The following SLC6A5 variants were observed in gnomAD, a reference collection of about 807,000 sequenced individuals.
SLC6A5 encodes the protein solute carrier family 6 member 5.
A neutral mutation model predicts 90.5 loss-of-function variants in SLC6A5; 58 were observed. That is an observed-to-expected ratio of 0.64 (90% confidence interval 0.52 to 0.80). The LOEUF is 0.80. SLC6A5 is among the 30% of genes least tolerant of loss of function. The pLI is 0.00. For missense variants in SLC6A5, 1,015 were observed against 1,017.6 expected (o/e 1.00, Z 0.03); for synonymous variants, 427 against 401.4 (o/e 1.06, Z -0.76).
chr11:20,638,469 A>T lies in SLC6A5; in HGVS notation c.1880A>T (p.Tyr627Phe), dbSNP rs1329009953. 1.2e-6 allele frequency: 2 copies of T among 1,609,722 alleles called. No individual in the cohort carries two copies. The highest frequency in any genetic ancestry group is 1.7e-6 in the Non-Finnish European group (2 of 1,176,084). The change falls in exon 13 of 16, where the codon TAC (tyrosine) becomes TTC (phenylalanine). Residue 627 changes from tyrosine (Y) to phenylalanine (F), a missense_variant. Transcript: ENST00000525748. Reference sequence around the variant, plus strand: ...TCTCTCTCCTGTTAGGGTGGAATTTACATGTTTCAGCTTGTGGACACCTAT... The same window carrying T: ...TCTCTCTCCTGTTAGGGTGGAATTTTCATGTTTCAGCTTGTGGACACCTAT... ...GFPMITQGGI[Y>F]MFQLVDTYAA...
chr11:20,610,276 C>A (rs1051076402), intron 5 of SLC6A5, among the ~76,000 whole-genome samples: 8 of 151,666 alleles, frequency 5.3e-5, no homozygotes, highest in Non-Finnish European at 1.0e-4. Flanking sequence ...AGGCTCCGGG[C>A]GCTGGGAAGC....
rs1270999182 is a variant in SLC6A5, at chr11:20,604,417, C to A, written c.672C>A (p.Asn224Lys). The stretch of plus-strand genomic sequence containing the variant: ...GGTTTCCCTACCTGGCCTTCCAGAA[C>A]GGGGGAGGTATGGCTTTTCCGCTCT... ...VWRFPYLAFQ[N>K]GGGAFLIPYL... is the part of the protein sequence containing the mutation. Residue 224 changes from asparagine (N) to lysine (K), a missense_variant, in exon 3 of 16, where the codon AAC (asparagine) becomes AAA (lysine). This residue lies in a region of SLC6A5 where 567 missense variants were observed against 507.3 expected (regional missense o/e 1.12). Transcript: ENST00000525748. 1 of 1,601,364 alleles carries A rather than the reference C, an allele frequency of 6.2e-7. No individual in the cohort carries two copies. The highest frequency in any genetic ancestry group is 1.1e-5 in the South Asian group (1 of 90,928).
chr11:20,650,812 G>T (rs907535747), intron 14 of SLC6A5, among the ~76,000 whole-genome samples: 10 of 151,824 alleles, frequency 6.6e-5, no homozygotes, highest in Admixed American at 5.2e-4. Context: ...GACTACAGGC[G>T]CCCGCTACCA....
chr11:20,605,245 C>A (rs951837786), intron 3 of SLC6A5, among the ~76,000 whole-genome samples: 4 of 152,124 alleles, frequency 2.6e-5, no homozygotes, highest in Admixed American at 6.5e-5. Context: ...TCAACCGGAC[C>A]GAAGGGACAA....
intron 3 of SLC6A5, among the ~76,000 whole-genome samples, chr11:20,606,051 C>T (rs764046909): frequency 3.9e-5 from 6 of 152,244 alleles, no homozygotes; most frequent in Non-Finnish European, 7.3e-5. Context: ...GTTCTGCGCT[C>T]GCGCATCTCC....
intron 2 of SLC6A5, among the ~76,000 whole-genome samples, chr11:20,603,371 A>G (rs189686791): frequency 6.6e-6 from 1 of 152,310 alleles, no homozygotes; most frequent in East Asian, 1.9e-4. Context: ...CACTGCCCCA[A>G]GAAAGCATCT....
At chr11:20,631,692 G>A (rs1012644486) in intron 10 of SLC6A5, among the ~76,000 whole-genome samples, 1 of 152,198 alleles carries the variant, frequency 6.6e-6, no homozygotes, top group African/African-American at 2.4e-5. Flanking sequence ...GATGCGTAGT[G>A]TGTTGGTCAT....
At chr11:20,605,051 G>A (rs1312278369) in intron 3 of SLC6A5, among the ~76,000 whole-genome samples, 1 of 152,218 alleles carries the variant, frequency 6.6e-6, no homozygotes, top group East Asian at 1.9e-4. Context: ...CAGAGGTGGG[G>A]AGGACACTAG....
intron 7 of SLC6A5, among the ~76,000 whole-genome samples, chr11:20,623,363 G>T (rs1852929079): frequency 6.6e-6 from 1 of 152,124 alleles, no homozygotes; most frequent in Admixed American, 6.5e-5. Context: ...GAGTCACCTT[G>T]ACTCTTCTCT....
At chr11:20,643,226 TC>T (rs1291528811) in intron 13 of SLC6A5, among the ~76,000 whole-genome samples, 1 of 132,570 alleles carries the variant, frequency 7.5e-6, no homozygotes, top group Non-Finnish European at 1.7e-5. Context: ...AATCTCTCTC[TC>T]TTTTTTTTTT....
chr11:20,655,454 T>C lies in SLC6A5; in HGVS notation c.*586T>C, dbSNP rs549553507. Reference sequence around the variant, plus strand: ...CAGTCACCACTGGGGATCTGTTTCCTTCGTTTGGATCAGCAATCTCCAGTT... The same window carrying C: ...CAGTCACCACTGGGGATCTGTTTCCCTCGTTTGGATCAGCAATCTCCAGTT... On this transcript the variant is annotated 3_prime_UTR_variant, in exon 16 of 16. Coordinates refer to ENST00000525748, the MANE Select transcript of SLC6A5 (RefSeq NM_004211.5). The C allele has an allele frequency of 5.5e-4, 89 of 160,612 alleles. No individual in the cohort carries two copies. The highest frequency in any genetic ancestry group is 1.0e-3 in the Non-Finnish European group (72 of 72,186). 9.9% of individuals were successfully genotyped at this position (160,612 alleles called of 1,614,324 possible). A position where few individuals can be genotyped will look rare whatever the true frequency, so the allele number is the denominator to read the frequency against.
intron 10 of SLC6A5, among the ~76,000 whole-genome samples, chr11:20,635,406 C>G (rs959513625): frequency 1.3e-5 from 2 of 152,022 alleles, no homozygotes; most frequent in African/African-American, 4.8e-5. Context: ...GCGCCGCCCC[C>G]CCGCAACCCG....
intron 12 of SLC6A5, 113 bp downstream of exon 12, chr11:20,637,416 A>G: frequency 1.1e-6 from 1 of 929,176 alleles, no homozygotes; most frequent in Non-Finnish European, 1.7e-6. Context: ...GCAAATCACT[A>G]CCATTTCCAT....
chr11:20,603,960 G>T (rs912736181), intron 2 of SLC6A5, among the ~76,000 whole-genome samples: 4 of 152,042 alleles, frequency 2.6e-5, no homozygotes, highest in Non-Finnish European at 5.9e-5. Flanking sequence ...CACCTTACAG[G>T]TTCAAGGTTT....
intron 14 of SLC6A5, among the ~76,000 whole-genome samples, chr11:20,647,273 A>C (rs1853435106): frequency 6.9e-6 from 1 of 144,802 alleles, no homozygotes; most frequent in South Asian, 2.1e-4. Context: ...ATATAATATC[A>C]GTTATATATA....
rs145872923 is a variant in SLC6A5 at position 20,618,893 on chromosome 11, C to T, written c.1260+1009C>T. Among the ~76,000 whole-genome samples the T allele has an allele frequency of 1.4e-3, 206 of 151,168 alleles. 1 individual carries two copies. Among genetic ancestry groups the T allele is most frequent in the African/African-American group, 4.9e-3 (201 of 41,260 alleles). On this transcript the variant is annotated intron_variant, in intron 7 of 15. Coordinates refer to ENST00000525748, the MANE Select transcript of SLC6A5 (RefSeq NM_004211.5). ...CGGAGATTGCGGTGAGCTAAGATGG[C>T]ATCACTGCACTTCAGAGTGACAGGG...
At chr11:20,630,211 C>G (rs1481226213) in intron 9 of SLC6A5, among the ~76,000 whole-genome samples, 1 of 152,154 alleles carries the variant, frequency 6.6e-6, no homozygotes, top group East Asian at 1.9e-4. Flanking sequence ...GAGGGCTGCT[C>G]TCTGTTTCAA....
intron 7 of SLC6A5, among the ~76,000 whole-genome samples, chr11:20,619,593 T>A (rs1400842657): frequency 6.6e-6 from 1 of 151,800 alleles, no homozygotes; most frequent in Non-Finnish European, 1.5e-5. Context: ...TGGTGAAACA[T>A]GGCTGAGCTT....
intron 14 of SLC6A5, among the ~76,000 whole-genome samples, chr11:20,651,076 CTG>C (rs1442675629): frequency 6.6e-6 from 1 of 152,136 alleles, no homozygotes; most frequent in African/African-American, 2.4e-5. Flanking sequence ...GGGGACCACT[CTG>C]TGTCTCACTC....
Sources: allele counts gnomAD v4.1 joint callset (sites outside exome capture counted in the v4.1 genomes callset), GRCh38; gene constraint gnomAD v4.1.1; regional missense constraint gnomAD v4.1.1; transcripts MANE v1.5; gene names NCBI Gene and HGNC (gene_info 2026-07-23, HGNC 2026-07-21).